POC1A: variants seen among roughly 807,000 people sequenced by gnomAD.
The protein encoded by POC1A is POC1 centriolar protein homolog A.
A neutral mutation model predicts 47.8 loss-of-function variants in POC1A; 34 were observed. That is an observed-to-expected ratio of 0.71 (90% CI 0.54 to 0.95). The LOEUF (loss-of-function observed/expected upper bound fraction) is 0.95, where lower values mean the gene tolerates loss of function less well. POC1A is among the 40% of genes least tolerant of loss of function. POC1A has a pLI of 0.00. For synonymous variants in POC1A, 177 were observed against 207.6 expected (o/e 0.85, Z 1.27); for missense variants, 466 against 528.3 (o/e 0.88, Z 1.16).
At chr3:52,080,829 T>A (rs1702257226) in intron 10 of POC1A, among the ~76,000 whole-genome samples, 1 of 152,210 alleles carries the variant, frequency 6.6e-6, no homozygotes, top group Admixed American at 6.5e-5. Context: ...GGTTCAACTT[T>A]AAACAAGGTA....
chr3:52,087,434 G>A (rs1466652586), intron 10 of POC1A, among the ~76,000 whole-genome samples: 1 of 152,144 alleles, frequency 6.6e-6, no homozygotes, highest in African/African-American at 2.4e-5. Context: ...CCCACAGTCT[G>A]CTGCAAACAA....
intron 6 of POC1A, among the ~76,000 whole-genome samples, chr3:52,144,940 C>T (rs573077754): frequency 1.3e-5 from 2 of 152,332 alleles, no homozygotes; most frequent in African/African-American, 4.8e-5. Context: ...TCAGGTGTGG[C>T]TTAAGGAAGC....
intron 9 of POC1A, among the ~76,000 whole-genome samples, chr3:52,121,423 C>G (rs1441825574): frequency 1.3e-5 from 2 of 152,306 alleles, no homozygotes; most frequent in South Asian, 2.1e-4. Context: ...GGACAGCAAC[C>G]CTTGTAAGAA....
At chr3:52,087,428 C>A (rs1393942219) in intron 10 of POC1A, among the ~76,000 whole-genome samples, 2 of 152,192 alleles carry the variant, frequency 1.3e-5, no homozygotes, top group Non-Finnish European at 2.9e-5. Context: ...CCTAACCCCA[C>A]AGTCTGCTGC....
chr3:52,080,509 T>C (rs548276071), intron 10 of POC1A, among the ~76,000 whole-genome samples: 147 of 152,030 alleles, frequency 9.7e-4, no homozygotes, highest in African/African-American at 3.2e-3. Context: ...CCCCCTCACA[T>C]TGTCAGGCCT....
At chr3:52,137,491 G>C (rs1010728892) in intron 7 of POC1A, among the ~76,000 whole-genome samples, 3 of 152,070 alleles carry the variant, frequency 2.0e-5, no homozygotes, top group Non-Finnish European at 2.9e-5. Flanking sequence ...ACATTCTGAC[G>C]ACCGCTCTGA....
chr3:52,080,520 C>T (rs1298992039), intron 10 of POC1A, among the ~76,000 whole-genome samples: 1 of 152,122 alleles, frequency 6.6e-6, no homozygotes, highest in African/African-American at 2.4e-5. Flanking sequence ...TGTCAGGCCT[C>T]ATGTGTCACC....
At chr3:52,152,720 C>A (rs907833949) in intron 1 of POC1A, among the ~76,000 whole-genome samples, 5 of 152,186 alleles carry the variant, frequency 3.3e-5, no homozygotes, top group Non-Finnish European at 7.3e-5. Flanking sequence ...ATGTTCAGAG[C>A]AGCATTTTCC....
At chr3:52,093,846 G>A (rs987532386) in intron 10 of POC1A, among the ~76,000 whole-genome samples, 7 of 152,196 alleles carry the variant, frequency 4.6e-5, no homozygotes, top group African/African-American at 7.2e-5. Flanking sequence ...AGGTGACCTC[G>A]CCACATGGGG....
chr3:52,102,676 A>G (rs550123777), intron 9 of POC1A, among the ~76,000 whole-genome samples: 1 of 152,382 alleles, frequency 6.6e-6, no homozygotes, highest in South Asian at 2.1e-4. Context: ...AACACACTAC[A>G]AAATGCTTTA....
intron 10 of POC1A, among the ~76,000 whole-genome samples, chr3:52,087,465 C>T (rs1352604234): frequency 1.3e-5 from 2 of 152,128 alleles, no homozygotes; most frequent in African/African-American, 2.4e-5. Context: ...GCTTTTGGTC[C>T]CTTGAGCCTA....
Position 52,145,977 on chromosome 3 carries a change from C to A in POC1A, c.564-16G>T. On this transcript the variant is annotated splice_polypyrimidine_tract_variant and intron_variant, in intron 5 of 10. Coordinates refer to ENST00000296484, the MANE Select transcript of POC1A (RefSeq NM_015426.5). The stretch of plus-strand genomic sequence containing the variant: ...GGTGACAAAGCTGGAAAGACAGGGG[C>A]CACTATGCACTATAGGAGGTCTGCC... 1.4e-6 allele frequency: 2 copies of A among 1,480,248 alleles called. No individual in the cohort carries two copies. The highest frequency in any genetic ancestry group is 1.9e-6 in the Non-Finnish European group (2 of 1,058,634). The allele number at this position is 1,480,248 out of a possible 1,614,324, so 91.7% of individuals were successfully genotyped here.
intron 9 of POC1A, among the ~76,000 whole-genome samples, chr3:52,108,869 C>T (rs1206852689): frequency 2.0e-5 from 3 of 152,232 alleles, no homozygotes; most frequent in African/African-American, 4.8e-5. Flanking sequence ...TTCCCTCCCC[C>T]TGCAGGCTTC....
At chr3:52,092,803 A>C (rs1256939844) in intron 10 of POC1A, among the ~76,000 whole-genome samples, 1 of 152,060 alleles carries the variant, frequency 6.6e-6, no homozygotes, top group Non-Finnish European at 1.5e-5. Context: ...TAAAACACCA[A>C]CCCCATTTCT....
chr3:52,110,817 G>A (rs1703353565), intron 9 of POC1A, among the ~76,000 whole-genome samples: 1 of 152,222 alleles, frequency 6.6e-6, no homozygotes, highest in Middle Eastern at 3.2e-3. Flanking sequence ...TCTGTCCTGT[G>A]ACTCAGGTTC....
rs148941999 is a variant in POC1A, at chr3:52,136,519, T to C, written c.813+1650A>G. Among the ~76,000 whole-genome samples, 153 of 152,270 alleles carry C rather than the reference T, an allele frequency of 1.0e-3. No homozygotes were observed. The Middle Eastern group carries it at 0.01, about 10-fold the overall frequency. ...CCAGCCCCGTGAGCTAGAGAGCCGATGATGAATGAACAAACAGACAGATGG... is the reference window on the plus strand; with the variant it reads ...CCAGCCCCGTGAGCTAGAGAGCCGACGATGAATGAACAAACAGACAGATGG... On this transcript the variant is annotated intron_variant, in intron 7 of 10. Transcript: ENST00000296484.
At chr3:52,137,095 C>T (rs748739850) in intron 7 of POC1A, among the ~76,000 whole-genome samples, 6 of 152,134 alleles carry the variant, frequency 3.9e-5, no homozygotes, top group Non-Finnish European at 7.3e-5. Context: ...GCAGCCACCC[C>T]CTCTGGATGT....
At chr3:52,104,816 C>T (rs150043976) in intron 9 of POC1A, among the ~76,000 whole-genome samples, 2 of 152,200 alleles carry the variant, frequency 1.3e-5, no homozygotes, top group Non-Finnish European at 2.9e-5. Flanking sequence ...CAAGCAGCAG[C>T]CATGCAGTCC....
Position 52,151,065 on chromosome 3 carries a change from G to A in POC1A, c.54C>T (p.His18=), listed in dbSNP as rs756852896. Residue 18 remains histidine, a synonymous_variant, in exon 2 of 11, where the codon CAC becomes CAT. Coordinates refer to ENST00000296484, the MANE Select transcript of POC1A (RefSeq NM_015426.5). The part of the protein sequence containing the change: ...DPSLERHFKG[H]RDAVTCVDFS... ...AGTCCACACAGGTAACTGCATCTCG[G>A]TGGCCCTTAAAATGCCTTTCCAGCG... The A allele has an allele frequency of 4.3e-6, 7 of 1,613,974 alleles. No homozygotes were observed. Among genetic ancestry groups the A allele is most frequent in the South Asian group, 1.1e-5 (1 of 91,072 alleles).
Sources: gnomAD v4.1 joint callset for allele counts (sites outside exome capture counted in the v4.1 genomes callset) on GRCh38, gnomAD v4.1.1 for gene constraint, MANE v1.5 for transcripts, NCBI Gene and HGNC (gene_info 2026-07-23, HGNC 2026-07-21) for gene names.